The following FOXP2 variants were observed in gnomAD, a reference collection of about 807,000 sequenced individuals.
FOXP2 encodes forkhead box P2, also known as forkhead box protein P2.
FOXP2 carries 12 observed loss-of-function variants against 115.8 expected under a neutral mutation model. The observed-to-expected ratio is 0.10, with a 90% confidence interval of 0.07 to 0.17. The LOEUF is 0.17. Ranked by LOEUF, FOXP2 falls within the 10% of genes least tolerant of loss-of-function variation. The pLI is 1.00. For synonymous variants in FOXP2, 328 were observed against 297.7 expected (o/e 1.10, Z -1.05); for missense variants, 629 against 843.5 (o/e 0.75, Z 3.15).
chr7:114,663,401 C>T (rs370666844), intron 14 of FOXP2, 49 bp from the exon 15 acceptor site: 5 of 1,314,034 alleles, frequency 3.8e-6, no homozygotes, highest in Non-Finnish European at 5.5e-6. Context: ...TTGATATCCA[C>T]GTTTTATATT....
intron 3 of FOXP2, among the ~76,000 whole-genome samples, chr7:114,611,732 CAT>C (rs1803639016): frequency 6.6e-6 from 1 of 152,056 alleles, no homozygotes; most frequent in Non-Finnish European, 1.5e-5. Flanking sequence ...CAAAAGAAAA[CAT>C]ATATACTGAC....
At chr7:114,087,160 A>C (rs1235728574), upstream of FOXP2, among the ~76,000 whole-genome samples, 1 of 152,120 alleles carries the variant, frequency 6.6e-6, no homozygotes, top group Non-Finnish European at 1.5e-5. Context: ...TCAGTTGGGC[A>C]AGTGCACGCT....
chr7:114,565,820 T>C (rs1247856459), intron 3 of FOXP2, among the ~76,000 whole-genome samples: 1 of 152,138 alleles, frequency 6.6e-6, no homozygotes, highest in Non-Finnish European at 1.5e-5. Flanking sequence ...CTTACTTAGA[T>C]TTGGTCCTCT....
At chr7:114,259,690 G>A (rs946394432) in intron 1 of FOXP2, among the ~76,000 whole-genome samples, 1 of 151,984 alleles carries the variant, frequency 6.6e-6, no homozygotes, top group Non-Finnish European at 1.5e-5. Context: ...ATGACATTGC[G>A]AAAAAAGATA....
rs141343189 is a variant in FOXP2, at chr7:114,690,245, A to G, written c.*319A>G. 115 of 471,580 alleles carry G rather than the reference A, an allele frequency of 2.4e-4. No homozygotes were observed. The highest frequency in any genetic ancestry group is 4.9e-4 in the Admixed American group (21 of 42,984). 29.2% of individuals were successfully genotyped at this position (471,580 alleles called of 1,614,324 possible). A position where few individuals can be genotyped will look rare whatever the true frequency, so the allele number is the denominator to read the frequency against. ...TAAAAAATGTGGCTCTTAAGGGTTC[A>G]TGAAATGACTGAATATGAGGATACA... On this transcript the variant is annotated 3_prime_UTR_variant, in exon 17 of 17. Coordinates refer to ENST00000350908, the MANE Select transcript of FOXP2 (RefSeq NM_014491.4).
chr7:114,206,783 AT>A (rs1794212310), intron 1 of FOXP2, among the ~76,000 whole-genome samples: 1 of 152,160 alleles, frequency 6.6e-6, no homozygotes, highest in Non-Finnish European at 1.5e-5. Context: ...TGTTTGACTT[AT>A]TTTTAATATT....
At chr7:114,527,971 C>G (rs540868688) in intron 2 of FOXP2, among the ~76,000 whole-genome samples, 1 of 152,214 alleles carries the variant, frequency 6.6e-6, no homozygotes, top group South Asian at 2.1e-4. Flanking sequence ...CATCCCTTAT[C>G]TATCCTTTAC....
At chr7:114,402,548 G>A (rs1429531235) in intron 2 of FOXP2, among the ~76,000 whole-genome samples, 2 of 152,032 alleles carry the variant, frequency 1.3e-5, no homozygotes, top group Non-Finnish European at 2.9e-5. Context: ...GATGTTGTCT[G>A]TGCTGGTGTA....
intron 1 of FOXP2, among the ~76,000 whole-genome samples, chr7:114,119,604 G>A (rs1356396102): frequency 4.6e-5 from 7 of 152,092 alleles, no homozygotes; most frequent in African/African-American, 1.7e-4. Context: ...CCAACTACTC[G>A]GGAGGCTGAG....
At chr7:114,641,789 T>C (rs1805545749) in intron 6 of FOXP2, among the ~76,000 whole-genome samples, 1 of 151,724 alleles carries the variant, frequency 6.6e-6, no homozygotes, top group African/African-American at 2.4e-5. Context: ...ATTTATTTAT[T>C]TATTTATTTT....
At chr7:114,130,861 T>G (rs1455758671) in intron 1 of FOXP2, among the ~76,000 whole-genome samples, 1 of 152,238 alleles carries the variant, frequency 6.6e-6, no homozygotes, top group Non-Finnish European at 1.5e-5. Context: ...ATGTTGGCAT[T>G]GTTATGCCAG....
At chr7:114,587,882 T>TATTATAAG (rs1401649414) in intron 3 of FOXP2, among the ~76,000 whole-genome samples, 1 of 61,326 alleles carries the variant, frequency 1.6e-5, no homozygotes, top group African/African-American at 4.3e-5. Context: ...GATAATTAAA[T>TATTATAAG]CCACCTTTCT....
At chr7:114,611,511 A>G (rs1803627199) in intron 3 of FOXP2, among the ~76,000 whole-genome samples, 1 of 152,230 alleles carries the variant, frequency 6.6e-6, no homozygotes, top group African/African-American at 2.4e-5. Context: ...CGCAGCAGTG[A>G]CATGATGATC....
intron 2 of FOXP2, among the ~76,000 whole-genome samples, chr7:114,468,728 A>G (rs1223119076): frequency 6.6e-6 from 1 of 152,234 alleles, no homozygotes; most frequent in East Asian, 1.9e-4. Flanking sequence ...AAATACGATG[A>G]ATGCATGATA....
In FOXP2 at chr7:114,550,406, G is replaced by A. The variant is rs181766723; in HGVS notation, c.258+15700G>A. 3.6e-3 allele frequency among the ~76,000 whole-genome samples: 549 copies of A among 152,080 alleles called. 4 individuals are homozygous for A. The highest frequency in any genetic ancestry group is 0.01 in the Middle Eastern group (3 of 294). ...GCTGGGATTACAGGCGTGAGCCACC[G>A]CACCCGGCCTCATCTTTCTTTTGAA... On this transcript the variant is annotated intron_variant, in intron 3 of 16. Transcript: ENST00000350908.
At chr7:114,198,679 G>A (rs142049338) in intron 1 of FOXP2, among the ~76,000 whole-genome samples, 163 of 152,308 alleles carry the variant, frequency 1.1e-3, no homozygotes, top group African/African-American at 3.7e-3. Flanking sequence ...TCACGAACCA[G>A]TACCGGTCTG....
At chr7:114,175,933 CT>C (rs1793277816) in intron 1 of FOXP2, among the ~76,000 whole-genome samples, 1 of 152,128 alleles carries the variant, frequency 6.6e-6, no homozygotes, top group African/African-American at 2.4e-5. Flanking sequence ...AGATCTCACT[CT>C]TTTTAAGAAC....
At chr7:114,180,538 A>G (rs1462869867) in intron 1 of FOXP2, among the ~76,000 whole-genome samples, 1 of 151,950 alleles carries the variant, frequency 6.6e-6, no homozygotes, top group Non-Finnish European at 1.5e-5. Context: ...TCCCTGCTTA[A>G]ATGTCCCATA....
rs398005920 is a variant in FOXP2 at position 114,378,684 on chromosome 7, C to CAAAAAAA, written c.-10-47807_-10-47801dup. Among the ~76,000 whole-genome samples the CAAAAAAA allele has an allele frequency of 5.4e-3, 97 of 18,086 alleles. 7 individuals are homozygous for CAAAAAAA. Among genetic ancestry groups the CAAAAAAA allele is most frequent in the East Asian group, 0.022 (9 of 400 alleles). The allele number at this position is 18,086 out of a possible 152,430, so 11.9% of individuals were successfully genotyped here. On this transcript the variant is annotated intron_variant, in intron 2 of 17. Transcript: ENST00000634411. ...GTGAGACAATGTAAGACCCTGTCTC[C>CAAAAAAA]AAAAAAAAAAAAAAAAAGGAAAAGA... is the stretch of plus-strand genomic sequence containing the variant.
Sources: gnomAD v4.1 joint callset for allele counts (sites outside exome capture counted in the v4.1 genomes callset) on GRCh38, gnomAD v4.1.1 for gene constraint, MANE v1.5 for transcripts, NCBI Gene and HGNC (gene_info 2026-07-23, HGNC 2026-07-21) for gene names.